ANGEL1: variants seen among roughly 807,000 people sequenced by gnomAD.
ANGEL1 encodes RNA 2',3'-cyclic phosphatase ANGEL1.
In ANGEL1, 62 loss-of-function variants were observed where a neutral mutation model predicts 76.4. The observed-to-expected ratio is 0.81, with a 90% CI of 0.66 to 1.00. The LOEUF is 1.00. ANGEL1 is among the 50% of genes least tolerant of loss of function. The pLI, the probability that ANGEL1 is intolerant of heterozygous loss-of-function variation, is 0.00. For synonymous variants in ANGEL1, 340 were observed against 331.7 expected (o/e 1.03, Z -0.27); for missense variants, 737 against 836.7 (o/e 0.88, Z 1.47).
At chr14:76,791,160 G>A (rs2140207490) in intron 8 of ANGEL1, 137 bp downstream of exon 8, 6 of 972,150 alleles carry the variant, frequency 6.2e-6, no homozygotes, top group South Asian at 2.8e-5. Flanking sequence ...CCCTCTATAA[G>A]TTTAGCAGAT....
At position 76,804,180 on chromosome 14, in the gene ANGEL1, G is replaced by C. The variant is rs528933946; in HGVS notation, c.1381-268C>G. ...GGGAATCGAATAGTATGAACATGTG[G>C]TTCCCTAAATTTTACCTCTGAAAAA... On this transcript the variant is annotated intron_variant, in intron 5 of 9. Coordinates refer to ENST00000251089, the MANE Select transcript of ANGEL1 (RefSeq NM_015305.4). The C allele has an allele frequency of 4.1e-5, 58 of 1,412,540 alleles. No homozygotes were observed. The African/African-American group carries it at 7.2e-4, about 18-fold the overall frequency. 87.5% of individuals were successfully genotyped at this position (1,412,540 alleles called of 1,614,324 possible). A position where few individuals can be genotyped will look rare whatever the true frequency, so the allele number is the denominator to read the frequency against.
At chr14:76,804,764 C>T (rs1295324401) in intron 5 of ANGEL1, among the ~76,000 whole-genome samples, 1 of 152,186 alleles carries the variant, frequency 6.6e-6, no homozygotes, top group Non-Finnish European at 1.5e-5. Flanking sequence ...AATCCTAGCA[C>T]TTTGGGAGGC....
rs1447202062 is a variant in ANGEL1, at chr14:76,811,391, T to C, written c.64+1373A>G. ...TGCACGAAGTTACTAGCTTTCAATT[T>C]TGGTAGATGTCTTTTGGTGGTGGTG... On this transcript the variant is annotated intron_variant, in intron 1 of 9. Coordinates refer to ENST00000251089, the MANE Select transcript of ANGEL1 (RefSeq NM_015305.4). 2.1e-5 allele frequency among the ~76,000 whole-genome samples: 3 copies of C among 146,150 alleles called. No homozygotes were observed. The Admixed American group carries it at 2.1e-4, about 10-fold the overall frequency.
intron 2 of ANGEL1, 94 bp from the exon 3 acceptor site, chr14:76,808,242 G>T: frequency 9.1e-7 from 1 of 1,096,912 alleles, no homozygotes; most frequent in Non-Finnish European, 1.3e-6. Context: ...TATGCCTGAA[G>T]TTCCTTTTTC....
chr14:76,792,933 T>G (rs138752016), intron 7 of ANGEL1, among the ~76,000 whole-genome samples: 1,616 of 152,264 alleles, frequency 0.011, 12 homozygotes, highest in Middle Eastern at 0.054. Context: ...GTATCCAGAT[T>G]GGAGTAGAAG....
intron 7 of ANGEL1, among the ~76,000 whole-genome samples, chr14:76,792,474 A>G (rs1456266635): frequency 6.6e-6 from 1 of 152,198 alleles, no homozygotes; most frequent in African/African-American, 2.4e-5. Flanking sequence ...TTATGAATAC[A>G]GATGCAAAAT....
At position 76,787,645 on chromosome 14, in the gene ANGEL1, A is replaced by G. The variant is rs1250874695; in HGVS notation, c.*1583T>C. 4 of 152,644 alleles carry G rather than the reference A, an allele frequency of 2.6e-5. No homozygotes were observed. The highest frequency in any genetic ancestry group is 4.4e-5 in the Non-Finnish European group (3 of 68,056). The allele number at this position is 152,644 out of a possible 1,614,324, so 9.5% of individuals were successfully genotyped here. A position where few individuals can be genotyped will look rare whatever the true frequency, so the allele number is the denominator to read the frequency against. ...TTCTAACCATGAATGCAGCAGCACA[A>G]TGCAAACTGGGTCTTTGGCTTTCAA... On this transcript the variant is annotated 3_prime_UTR_variant, in exon 10 of 10. Coordinates refer to ENST00000251089, the MANE Select transcript of ANGEL1 (RefSeq NM_015305.4).
At chr14:76,790,298 C>A (rs1894365787) in intron 9 of ANGEL1, among the ~76,000 whole-genome samples, 1 of 152,178 alleles carries the variant, frequency 6.6e-6, no homozygotes, top group African/African-American at 2.4e-5. Context: ...TCTTACCTAA[C>A]CAAGTCCCTC....
rs578049724 is a variant in ANGEL1, at chr14:76,808,131, A to G, written c.667T>C (p.Trp223Arg). 1.2e-6 allele frequency: 2 copies of G among 1,613,658 alleles called. No homozygotes were observed. The highest frequency in any genetic ancestry group is 2.7e-5 in the African/African-American group (2 of 75,020). ...TCTGGCTGGGTGGAGAAATCCTCCC[A>G]TTCTCGCCACAAAATTTCTGCAAAG... ...IPYHEILWRE[W>R]EDFSTQPDAQ... The change falls in exon 3 of 10, where the codon TGG becomes CGG. Residue 223 changes from tryptophan (W) to arginine (R), a missense_variant. Physicochemically the swap from Trp to Arg is moderately radical, Grantham distance 101. This residue lies in a region of ANGEL1 where 441 missense variants were observed against 449.5 expected (regional missense o/e 0.98). Transcript: ENST00000251089.
At chr14:76,804,632 C>G (rs559351688) in intron 5 of ANGEL1, among the ~76,000 whole-genome samples, 1 of 152,366 alleles carries the variant, frequency 6.6e-6, no homozygotes, top group South Asian at 2.1e-4. Flanking sequence ...AGAAGTAAAA[C>G]AGATCTGCAA....
intron 1 of ANGEL1, chr14:76,812,295 T>A: frequency 1.0e-6 from 1 of 993,086 alleles, no homozygotes; most frequent in Non-Finnish European, 1.2e-6. Flanking sequence ...AAGGCGAGTG[T>A]GAAGTTAACC....
At chr14:76,795,328 T>TATACTTCTACTA (rs549912588) in intron 7 of ANGEL1, among the ~76,000 whole-genome samples, 3 of 152,334 alleles carry the variant, frequency 2.0e-5, no homozygotes, top group African/African-American at 7.2e-5. Flanking sequence ...GAACTATCCC[T>TATACTTCTACTA]ATACTTCTAC....
At chr14:76,795,943 G>A (rs1313130412) in intron 7 of ANGEL1, among the ~76,000 whole-genome samples, 1 of 152,016 alleles carries the variant, frequency 6.6e-6, no homozygotes, top group Non-Finnish European at 1.5e-5. Context: ...CCATTTTTCT[G>A]TTTTTAAAAT....
At position 76,791,267 on chromosome 14, in the gene ANGEL1, TGAAAACAGAA is replaced by T; in HGVS notation, c.1688+20_1688+29del. On this transcript the variant is annotated intron_variant, in intron 8 of 9. Coordinates refer to ENST00000251089, the MANE Select transcript of ANGEL1 (RefSeq NM_015305.4). ...TCTTACACCTAGGCAAGGGCTGGAT[TGAAAACAGAA>T]GAGAACTGGAGAAGGTTACCTGGAG... 6.2e-7 allele frequency: 1 copy of T among 1,612,852 alleles called. No homozygotes were observed. The highest frequency in any genetic ancestry group is 1.3e-5 in the African/African-American group (1 of 75,016).
Position 76,806,711 on chromosome 14 carries a change from T to C in ANGEL1, c.1085A>G (p.Asp362Gly), listed in dbSNP as rs767283944. 1 of 1,613,048 alleles carries C rather than the reference T, an allele frequency of 6.2e-7. No homozygotes were observed. Among genetic ancestry groups the C allele is most frequent in the East Asian group, 2.2e-5 (1 of 44,768 alleles). Reference protein sequence around the residue: ...FRPGLELLNRDNVGLVLLLQP... With the variant: ...FRPGLELLNRGNVGLVLLLQP... ...CAGTAGCAACACTAAGCCCACATTA[T>C]CCCGATTAAGTAGCTCCAAGCCAGG... The change falls in exon 5 of 10, where the codon GAT (aspartate) becomes GGT (glycine). Residue 362 changes from aspartate (D) to glycine (G), a missense_variant. Coordinates refer to ENST00000251089, the MANE Select transcript of ANGEL1 (RefSeq NM_015305.4).
chr14:76,788,796 T>C lies in ANGEL1; in HGVS notation c.*432A>G, dbSNP rs1027454064. ...ACATACATGATATGCATATCTCACA[T>C]ATGCATGCCTGGCAAGAGGGCTGGG... On this transcript the variant is annotated 3_prime_UTR_variant, in exon 10 of 10. Transcript: ENST00000251089. 1.2e-5 allele frequency: 2 copies of C among 171,590 alleles called. No individual in the cohort carries two copies. Among genetic ancestry groups the C allele is most frequent in the African/African-American group, 2.4e-5 (1 of 41,710 alleles). 10.6% of individuals were successfully genotyped at this position (171,590 alleles called of 1,614,324 possible).
chr14:76,807,392 T>C, intron 4 of ANGEL1, 41 bp downstream of exon 4: 12 of 1,581,634 alleles, frequency 7.6e-6, no homozygotes, highest in Non-Finnish European at 1.0e-5. Flanking sequence ...GACAAGTCTG[T>C]GGAAAGAAAA....
intron 6 of ANGEL1, 145 bp downstream of exon 6, chr14:76,803,641 G>A (rs1468610670): frequency 7.3e-7 from 1 of 1,371,796 alleles, no homozygotes; most frequent in African/African-American, 1.5e-5. Context: ...CCATTTCATT[G>A]GACAGCCATT....
At position 76,802,628 on chromosome 14, in the gene ANGEL1, C is replaced by CA. The variant is rs1894799086; in HGVS notation, c.1618+742dup. ...TCCCTCCTCCACTGCCTCTTAGGAT[C>CA]AAAACGGGTCCAGAGACTCTCCTAT... On this transcript the variant is annotated intron_variant, in intron 7 of 9. Coordinates refer to ENST00000251089, the MANE Select transcript of ANGEL1 (RefSeq NM_015305.4). Among the ~76,000 whole-genome samples the CA allele has an allele frequency of 2.0e-5, 3 of 151,266 alleles. No homozygotes were observed. In the South Asian group the frequency reaches 6.3e-4, roughly 32 times the overall value.
Sources: allele counts gnomAD v4.1 joint callset (sites outside exome capture counted in the v4.1 genomes callset), GRCh38; gene constraint gnomAD v4.1.1; regional missense constraint gnomAD v4.1.1; transcripts MANE v1.5; gene names NCBI Gene and HGNC (gene_info 2026-07-23, HGNC 2026-07-21).